THOC5: variants seen among roughly 807,000 people sequenced by gnomAD.
The protein encoded by THOC5 is THO complex subunit 5.
A neutral mutation model predicts 92.9 loss-of-function variants in THOC5; 43 were observed. The ratio of observed to expected loss-of-function variants is 0.46; its 90% CI spans 0.36 to 0.60. The LOEUF (loss-of-function observed/expected upper bound fraction) is 0.60. THOC5 is among the 20% of genes least tolerant of loss of function. THOC5 has a pLI of 0.00. For synonymous variants in THOC5, 296 were observed against 320.1 expected (o/e 0.92, Z 0.80); for missense variants, 659 against 849.4 (o/e 0.78, Z 2.79).
At chr22:29,512,220 G>A (rs1324567310) in intron 17 of THOC5, 84 bp from the exon 18 acceptor site, 2 of 1,024,686 alleles carry the variant, frequency 2.0e-6, no homozygotes, top group Non-Finnish European at 3.0e-6. Context: ...CACCCCTGAG[G>A]CTAGCTCAGA....
chr22:29,551,571 G>T (rs552481766), intron 1 of THOC5, among the ~76,000 whole-genome samples: 3 of 152,060 alleles, frequency 2.0e-5, no homozygotes, highest in Non-Finnish European at 4.4e-5. Flanking sequence ...GCAACAGAGC[G>T]AGACCCCATC....
Position 29,544,554 on chromosome 22 carries a change from C to A in THOC5, c.146G>T (p.Gly49Val). Residue 49 changes from glycine to valine, a missense_variant, in exon 3 of 20, where the codon GGC becomes GTC. By Grantham distance (109) the Gly-to-Val change is moderately radical (BLOSUM62 -3). Coordinates refer to ENST00000490103, the MANE Select transcript of THOC5 (RefSeq NM_003678.5). ...GTACTTGTATAACTCATAGTCTCTG[C>A]CAGGGTCCCGCAGATCCACCTCGGC... ...EEAEVDLRDP[G>V]RDYELYKYTC... The A allele has an allele frequency of 6.2e-7, 1 of 1,613,876 alleles. No individual in the cohort carries two copies. The highest frequency in any genetic ancestry group is 8.5e-7 in the Non-Finnish European group (1 of 1,179,880).
chr22:29,511,966 C>A, intron 18 of THOC5, 55 bp downstream of exon 18: 1 of 1,498,416 alleles, frequency 6.7e-7, no homozygotes, highest in Non-Finnish European at 9.3e-7. Flanking sequence ...TCTGCCACGG[C>A]CACCTCCCCC....
At chr22:29,551,153 G>T (rs781700877) in intron 1 of THOC5, among the ~76,000 whole-genome samples, 1 of 152,186 alleles carries the variant, frequency 6.6e-6, no homozygotes, top group Non-Finnish European at 1.5e-5. Context: ...AAGTGACTTG[G>T]CTGGGCGCAG....
chr22:29,521,109 G>A lies in THOC5; in HGVS notation c.1176-10C>T. ...AGGAGACAGCAAGTCACTAGAAAAGGAAAAACAGTAAGCAGTGAGAATGCA... is the reference window on the plus strand; with the variant it reads ...AGGAGACAGCAAGTCACTAGAAAAGAAAAAACAGTAAGCAGTGAGAATGCA... On this transcript the variant is annotated splice_polypyrimidine_tract_variant and intron_variant, in intron 12 of 19. Transcript: ENST00000490103. 1 of 1,599,320 alleles carries A rather than the reference G, an allele frequency of 6.3e-7. No homozygotes were observed. Among genetic ancestry groups the A allele is most frequent in the Non-Finnish European group, 8.6e-7 (1 of 1,167,182 alleles).
rs772553472 is a variant in THOC5, at chr22:29,511,164, C to T, written c.1930G>A (p.Asp644Asn). The T allele has an allele frequency of 4.3e-6, 7 of 1,614,228 alleles. No individual in the cohort carries two copies. In the South Asian group the frequency reaches 5.5e-5, roughly 13 times the overall value. Residue 644 changes from aspartate (D) to asparagine (N), a missense_variant, in exon 19 of 20, where the codon GAC (aspartate) becomes AAC (asparagine). By Grantham distance (23) the Asp-to-Asn change is conservative. Coordinates refer to ENST00000490103, the MANE Select transcript of THOC5 (RefSeq NM_003678.5). ...AATTCCTTGGGCCCCTCCACACTGT[C>T]GTCATGGCTCTCGGTCTCCAGGTAA... is the stretch of plus-strand genomic sequence containing the variant. ...DVYLETESHDDSVEGPKEFPQ... is the reference protein window; with the variant it reads ...DVYLETESHDNSVEGPKEFPQ...
At chr22:29,543,694 T>C (rs5763315) in intron 3 of THOC5, 152 bp from the exon 4 acceptor site, 437,896 of 512,744 alleles carry the variant, frequency 0.85, 187,626 homozygotes, top group East Asian at 0.97. Context: ...AATAAGAGGA[T>C]GATTGTATAA....
At chr22:29,531,165 G>A (rs954237490) in intron 8 of THOC5, 9 of 1,133,812 alleles carry the variant, frequency 7.9e-6, no homozygotes, top group South Asian at 2.0e-5. Flanking sequence ...AGAAGGACGA[G>A]GAAGACACAA....
intron 7 of THOC5, among the ~76,000 whole-genome samples, chr22:29,533,632 A>C (rs1205154328): frequency 1.3e-5 from 2 of 152,166 alleles, no homozygotes; most frequent in African/African-American, 4.8e-5. Flanking sequence ...GAGGTTACAG[A>C]ATGGGGAAGA....
At chr22:29,533,151 C>G (rs1215848999) in intron 7 of THOC5, among the ~76,000 whole-genome samples, 3 of 152,118 alleles carry the variant, frequency 2.0e-5, no homozygotes, top group African/African-American at 4.8e-5. Context: ...CAATGCAATC[C>G]CTGTCAAAAT....
intron 6 of THOC5, among the ~76,000 whole-genome samples, chr22:29,538,583 A>AC (rs2063808806): frequency 1.3e-5 from 2 of 151,960 alleles, no homozygotes; most frequent in Admixed American, 1.3e-4. Context: ...GGATCACTTG[A>AC]AGCCAGGAAT....
intron 2 of THOC5, 112 bp downstream of exon 2, chr22:29,548,940 A>T: frequency 1.1e-6 from 1 of 917,746 alleles, no homozygotes; most frequent in Non-Finnish European, 1.7e-6. Context: ...AGTGGAAGCC[A>T]CCAAAAAGTT....
chr22:29,539,591 G>A (rs2063836637), intron 5 of THOC5, 115 bp from the exon 6 acceptor site: 9 of 1,141,168 alleles, frequency 7.9e-6, no homozygotes, highest in Non-Finnish European at 1.1e-5. Flanking sequence ...ACAGGATCCT[G>A]GAATCCAGTC....
At chr22:29,528,321 C>A in intron 10 of THOC5, 105 bp downstream of exon 10, 2 of 1,614,000 alleles carry the variant, frequency 1.2e-6, no homozygotes, top group Non-Finnish European at 1.7e-6. Flanking sequence ...CCAGCAGCAC[C>A]TTCTTTCACA....
intron 2 of THOC5, 50 bp from the exon 3 acceptor site, chr22:29,544,653 T>C (rs1280121680): frequency 1.3e-6 from 2 of 1,481,966 alleles, no homozygotes; most frequent in Non-Finnish European, 9.0e-7. Flanking sequence ...AAAGTCTCCC[T>C]GCTGGGATCA....
chr22:29,529,258 T>C lies in THOC5; in HGVS notation c.848-19A>G. ...GTCTTATCTGGGGGGCAAGAAGAAG[T>C]CTGTTAGGAAAGCTGCTGAGGAAAG... On this transcript the variant is annotated intron_variant, in intron 8 of 19. Coordinates refer to ENST00000490103, the MANE Select transcript of THOC5 (RefSeq NM_003678.5). 1 of 1,613,850 alleles carries C rather than the reference T, an allele frequency of 6.2e-7. No homozygotes were observed. Among genetic ancestry groups the C allele is most frequent in the Non-Finnish European group, 8.5e-7 (1 of 1,179,830 alleles).
chr22:29,517,381 G>A lies in THOC5; in HGVS notation c.1490-15C>T, dbSNP rs762650787. ...AATGCCATGTTCTAAAAGAGAACAA[G>A]ACAGATGACGTCACAGGTAGAAATC... On this transcript the variant is annotated splice_polypyrimidine_tract_variant and intron_variant, in intron 15 of 19. Coordinates refer to ENST00000490103, the MANE Select transcript of THOC5 (RefSeq NM_003678.5). The A allele has an allele frequency of 9.9e-6, 16 of 1,610,012 alleles. No homozygotes were observed. The highest frequency in any genetic ancestry group is 1.4e-5 in the Non-Finnish European group (16 of 1,177,082).
At chr22:29,543,172 C>T (rs772453398) in intron 4 of THOC5, among the ~76,000 whole-genome samples, 3 of 151,784 alleles carry the variant, frequency 2.0e-5, no homozygotes, top group Non-Finnish European at 2.9e-5. Flanking sequence ...GGTGAAACCC[C>T]ATCTCTACTA....
chr22:29,517,175 C>A, intron 16 of THOC5, 59 bp from the exon 17 acceptor site: 1 of 1,609,526 alleles, frequency 6.2e-7, no homozygotes, highest in Non-Finnish European at 8.5e-7. Context: ...AAACCCCCTG[C>A]TCTTCCAGTG....
Sources: allele counts gnomAD v4.1 joint callset (sites outside exome capture counted in the v4.1 genomes callset), GRCh38; gene constraint gnomAD v4.1.1; transcripts MANE v1.5; gene names NCBI Gene and HGNC (gene_info 2026-07-23, HGNC 2026-07-21).